PLXNA4: variants seen among roughly 807,000 people sequenced by gnomAD.
PLXNA4 encodes plexin-A4.
PLXNA4 carries 44 observed loss-of-function variants against 191.8 expected under a neutral mutation model. The ratio of observed to expected loss-of-function variants is 0.23; its 90% CI spans 0.18 to 0.29. PLXNA4 has a LOEUF of 0.29. PLXNA4 is among the 10% of genes least tolerant of loss of function. The probability of loss-of-function intolerance (pLI) is 1.00; values close to 1 mark genes in which losing one functional copy is unlikely to be tolerated. For synonymous variants in PLXNA4, 1,082 were observed against 1,009.5 expected (o/e 1.07, Z -1.36); for missense variants, 1,800 against 2,488.8 (o/e 0.72, Z 5.89).
intron 3 of PLXNA4, among the ~76,000 whole-genome samples, chr7:132,303,793 G>A (rs7811294): frequency 0.22 from 33,229 of 152,072 alleles, 3,802 homozygotes; most frequent in Middle Eastern, 0.3. Context: ...CGCCTTCCAG[G>A]AGGCCTGTCT....
At chr7:132,354,451 C>G (rs1176165121) in intron 3 of PLXNA4, among the ~76,000 whole-genome samples, 3 of 152,186 alleles carry the variant, frequency 2.0e-5, no homozygotes, top group Admixed American at 2.0e-4. Flanking sequence ...ATAGACTATT[C>G]TGATGGCAGA....
intron 4 of PLXNA4, among the ~76,000 whole-genome samples, chr7:132,247,406 AG>A (rs148105536): frequency 0.034 from 5,204 of 152,276 alleles, 131 homozygotes; most frequent in South Asian, 0.12. Context: ...TTGTCAAAAA[AG>A]AAAGAAAAAA....
At chr7:132,345,702 C>T (rs1418772138) in intron 3 of PLXNA4, among the ~76,000 whole-genome samples, 1 of 152,196 alleles carries the variant, frequency 6.6e-6, no homozygotes, top group East Asian at 1.9e-4. Flanking sequence ...GCCCCAGGGG[C>T]TCCAGTGTCT....
At chr7:132,460,356 C>T (rs1261456755) in intron 3 of PLXNA4, among the ~76,000 whole-genome samples, 1 of 149,514 alleles carries the variant, frequency 6.7e-6, no homozygotes, top group African/African-American at 2.5e-5. Flanking sequence ...CAGACTGAGA[C>T]ACTGTCTCAA....
intron 3 of PLXNA4, among the ~76,000 whole-genome samples, chr7:132,476,617 A>G (rs1797140011): frequency 6.6e-6 from 1 of 152,206 alleles, no homozygotes; most frequent in Non-Finnish European, 1.5e-5. Context: ...AATGGAATTT[A>G]ATGGGCAATA....
Position 132,412,386 on chromosome 7 carries a change from G to A in PLXNA4, c.1371+76906C>T, listed in dbSNP as rs532912597. Among the ~76,000 whole-genome samples, 3 of 152,276 alleles carry A rather than the reference G, an allele frequency of 2.0e-5. No individual in the cohort carries two copies. In the South Asian group the frequency reaches 6.2e-4, roughly 32 times the overall value. Reference sequence around the variant, plus strand: ...CAACAGTCAAGAAGTCAGGTGCATTGCCCTCATGGAGCCGATCACCTTGCA... The same window carrying A: ...CAACAGTCAAGAAGTCAGGTGCATTACCCTCATGGAGCCGATCACCTTGCA... On this transcript the variant is annotated intron_variant, in intron 3 of 31. Transcript: ENST00000321063.
At chr7:132,471,892 C>T (rs538093399) in intron 3 of PLXNA4, among the ~76,000 whole-genome samples, 1 of 152,332 alleles carries the variant, frequency 6.6e-6, no homozygotes, top group African/African-American at 2.4e-5. Flanking sequence ...TGCTTTCTGG[C>T]TTGTTTGTTT....
intron 3 of PLXNA4, among the ~76,000 whole-genome samples, chr7:132,486,819 C>T (rs937718952): frequency 1.2e-4 from 18 of 152,216 alleles, no homozygotes; most frequent in African/African-American, 4.3e-4. Flanking sequence ...TCACCTGTCA[C>T]TGCCTGCCTG....
At chr7:132,610,371 G>T (rs1456849113) in intron 2 of PLXNA4, among the ~76,000 whole-genome samples, 1 of 152,188 alleles carries the variant, frequency 6.6e-6, no homozygotes, top group African/African-American at 2.4e-5. Context: ...CAAAGGGACT[G>T]CTCTGCTATT....
At chr7:132,470,389 G>A (rs930945695) in intron 3 of PLXNA4, among the ~76,000 whole-genome samples, 2 of 152,214 alleles carry the variant, frequency 1.3e-5, no homozygotes, top group Admixed American at 6.5e-5. Flanking sequence ...CTCTTTGGAT[G>A]TGGGCCTCTC....
chr7:132,593,622 G>A lies in PLXNA4; in HGVS notation c.-87+52306C>T, dbSNP rs569735061. Among the ~76,000 whole-genome samples, 14 of 152,298 alleles carry A rather than the reference G, an allele frequency of 9.2e-5. 1 individual carries two copies. In the South Asian group the frequency reaches 2.9e-3, roughly 32 times the overall value. On this transcript the variant is annotated intron_variant, in intron 2 of 4. Transcript: ENST00000378539. ...GGCTGCAGCACTGGGGCCCAAATGTGGCCTCCACGTCGTGCCATCACTCAT... is the reference window on the plus strand; with the variant it reads ...GGCTGCAGCACTGGGGCCCAAATGTAGCCTCCACGTCGTGCCATCACTCAT...
intron 3 of PLXNA4, among the ~76,000 whole-genome samples, chr7:132,345,102 A>C (rs1166567526): frequency 6.6e-6 from 1 of 152,192 alleles, no homozygotes; most frequent in African/African-American, 2.4e-5. Flanking sequence ...TGGGGGATGG[A>C]TGTAGGTGTG....
At chr7:132,247,857 T>C (rs1282056992) in intron 4 of PLXNA4, among the ~76,000 whole-genome samples, 7 of 152,198 alleles carry the variant, frequency 4.6e-5, no homozygotes, top group Non-Finnish European at 7.3e-5. Flanking sequence ...CTATTCTCTT[T>C]GCTCAAAGGG....
At chr7:132,138,287 G>T (rs937844006) in intron 30 of PLXNA4, among the ~76,000 whole-genome samples, 6 of 152,308 alleles carry the variant, frequency 3.9e-5, no homozygotes, top group Admixed American at 1.3e-4. Context: ...TTGACCAACA[G>T]CAGGGGAGCA....
chr7:132,358,241 T>C (rs753283449), intron 3 of PLXNA4, among the ~76,000 whole-genome samples: 6 of 152,222 alleles, frequency 3.9e-5, no homozygotes, highest in Non-Finnish European at 8.8e-5. Flanking sequence ...AATTCAGATG[T>C]TTGTCATCTG....
intron 3 of PLXNA4, chr7:132,385,052 G>A: frequency 1.3e-6 from 2 of 1,486,446 alleles, no homozygotes; most frequent in Non-Finnish European, 1.8e-6. Flanking sequence ...TTTCCCTAAG[G>A]ACTTGGGGTG....
At chr7:132,533,020 A>G (rs191837416) in intron 1 of PLXNA4, among the ~76,000 whole-genome samples, 1 of 152,330 alleles carries the variant, frequency 6.6e-6, no homozygotes, top group African/African-American at 2.4e-5. Flanking sequence ...TGCCACCACC[A>G]CAAATCCCTC....
At chr7:132,611,978 T>C (rs4537246) in intron 2 of PLXNA4, among the ~76,000 whole-genome samples, 150,009 of 152,296 alleles carry the variant, frequency 0.98, 73,923 homozygotes, top group East Asian at 1. Context: ...AAGGTCACCT[T>C]AAGGCTGCTT....
At chr7:132,418,717 G>A (rs1046498526) in intron 3 of PLXNA4, among the ~76,000 whole-genome samples, 1 of 152,170 alleles carries the variant, frequency 6.6e-6, no homozygotes, top group Non-Finnish European at 1.5e-5. Context: ...CCATTGCAAA[G>A]GGGGCAACTG....
Sources: gnomAD v4.1 joint callset for allele counts (sites outside exome capture counted in the v4.1 genomes callset) on GRCh38, gnomAD v4.1.1 for gene constraint, MANE v1.5 for transcripts, NCBI Gene and HGNC (gene_info 2026-07-23, HGNC 2026-07-21) for gene names.